GALNT18: variants seen among roughly 807,000 people sequenced by gnomAD.
The protein encoded by GALNT18 is polypeptide N-acetylgalactosaminyltransferase 18, also known as GalNAc-transferase 18.
In GALNT18, 44 loss-of-function variants were observed where a neutral mutation model predicts 69.5. The observed-to-expected ratio is 0.63, with a 90% confidence interval of 0.50 to 0.81. The LOEUF (loss-of-function observed/expected upper bound fraction) is 0.81. Among genes scored for constraint, GALNT18 ranks in the 40% least tolerant of loss-of-function variants. The pLI is 0.00. For missense variants in GALNT18, 715 were observed against 810.0 expected, an observed-to-expected ratio of 0.88 and a Z score of 1.42; for synonymous variants, 364 against 318.2, an observed-to-expected ratio of 1.14 and a Z score of -1.53.
At position 11,421,645 on chromosome 11, in the gene GALNT18, G is replaced by A. The variant is rs903286718; in HGVS notation, c.595+10976C>T. 2.0e-5 allele frequency among the ~76,000 whole-genome samples: 3 copies of A among 152,116 alleles called. No homozygotes were observed. Among genetic ancestry groups the A allele is most frequent in the Non-Finnish European group, 4.4e-5 (3 of 68,026 alleles). On this transcript the variant is annotated intron_variant, in intron 3 of 10. Transcript: ENST00000227756. The surrounding 1 kb of genome is among the most constrained non-coding windows in gnomAD (Gnocchi z 5.6). Reference sequence around the variant, plus strand: ...GCAGAGAAGGTTGGGGAAAGCTGGGGTTGCTGGCCAGCAGGTACAGGGAAG... The same window carrying A: ...GCAGAGAAGGTTGGGGAAAGCTGGGATTGCTGGCCAGCAGGTACAGGGAAG...
At chr11:11,304,215 C>T (rs80175760) in intron 9 of GALNT18, among the ~76,000 whole-genome samples, 21 of 152,306 alleles carry the variant, frequency 1.4e-4, no homozygotes, top group Admixed American at 3.3e-4. Context: ...CTGCCTTTCC[C>T]GGTCAACCTT....
intron 1 of GALNT18, among the ~76,000 whole-genome samples, chr11:11,521,661 G>T (rs951862882): frequency 2.0e-5 from 3 of 152,092 alleles, no homozygotes; most frequent in African/African-American, 7.2e-5. Context: ...TACAGTGGCG[G>T]GAGAACAAAA....
rs111285778 is a variant in GALNT18 at position 11,586,624 on chromosome 11, C to T, written c.235+34735G>A. 0.03 allele frequency among the ~76,000 whole-genome samples: 4,570 copies of T among 152,214 alleles called. 214 individuals are homozygous for T. Among genetic ancestry groups the T allele is most frequent in the African/African-American group, 0.1 (4,318 of 41,502 alleles). The stretch of plus-strand genomic sequence containing the variant: ...AGTTGATCTTTTAAAAAAAATAAAA[C>T]GTTTCAGCATTTATATTTAGCTGGT... On this transcript the variant is annotated intron_variant, in intron 1 of 10. Transcript: ENST00000227756. This position sits in a 1 kb window ranked among gnomAD's most constrained non-coding sequence, Gnocchi z 4.1.
chr11:11,294,609 GAAAAA>G (rs33946765), intron 9 of GALNT18, among the ~76,000 whole-genome samples: 1 of 142,502 alleles, frequency 7.0e-6, no homozygotes, highest in African/African-American at 2.6e-5. Context: ...ACACATCCCA[GAAAAA>G]AAAAAAAAAA....
chr11:11,349,954 T>G (rs1302051734), intron 6 of GALNT18, among the ~76,000 whole-genome samples: 1 of 152,198 alleles, frequency 6.6e-6, no homozygotes, highest in Non-Finnish European at 1.5e-5. Flanking sequence ...ATGATGCTTT[T>G]TCTTGGAAGG....
At position 11,332,933 on chromosome 11, in the gene GALNT18, A is replaced by G; in HGVS notation, c.1279-102T>C. On this transcript the variant is annotated intron_variant, in intron 7 of 10. Coordinates refer to ENST00000227756, the MANE Select transcript of GALNT18 (RefSeq NM_198516.3). The surrounding 1 kb of genome is among the most constrained non-coding windows in gnomAD (Gnocchi z 4.3). Reference sequence around the variant, plus strand: ...CTTGTGCCCCCAACAAGATTCCTAGAGACTGGGGAAGGGACCATGTGGCAC... The same window carrying G: ...CTTGTGCCCCCAACAAGATTCCTAGGGACTGGGGAAGGGACCATGTGGCAC... The G allele has an allele frequency of 7.7e-7, 1 of 1,293,920 alleles. No individual in the cohort carries two copies. Among genetic ancestry groups the G allele is most frequent in the Non-Finnish European group, 1.1e-6 (1 of 914,794 alleles). 80.2% of individuals were successfully genotyped at this position (1,293,920 alleles called of 1,614,324 possible).
rs182666057 is a variant in GALNT18, at chr11:11,602,123, C to T, written c.235+19236G>A. 6.6e-6 allele frequency among the ~76,000 whole-genome samples: 1 copy of T among 152,338 alleles called. No individual in the cohort carries two copies. The highest frequency in any genetic ancestry group is 1.9e-4 in the East Asian group (1 of 5,188). On this transcript the variant is annotated intron_variant, in intron 1 of 10. Transcript: ENST00000227756. The surrounding 1 kb of genome is among the most constrained non-coding windows in gnomAD (Gnocchi z 4.7). The stretch of plus-strand genomic sequence containing the variant: ...ATCCCTGGGCAGAATATCTATACCA[C>T]TGCTCTGGAGTTGTAAGTAGGAATA...
chr11:11,558,745 A>G (rs4379838), intron 1 of GALNT18, among the ~76,000 whole-genome samples: 4,493 of 152,318 alleles, frequency 0.029, 170 homozygotes, highest in African/African-American at 0.084. Flanking sequence ...GGTGGGGGAA[A>G]GTGGCAACCC....
intron 1 of GALNT18, among the ~76,000 whole-genome samples, chr11:11,478,721 T>C (rs1856455681): frequency 6.6e-6 from 1 of 152,244 alleles, no homozygotes; most frequent in South Asian, 2.1e-4. Flanking sequence ...CTCATTTCCA[T>C]TCCTTGCTCT....
chr11:11,548,597 T>A (rs1451954640), intron 1 of GALNT18, among the ~76,000 whole-genome samples: 3 of 152,224 alleles, frequency 2.0e-5, no homozygotes, highest in Non-Finnish European at 4.4e-5. Context: ...GAAAGCCTCC[T>A]GCCCATCTGC....
At chr11:11,284,777 T>C (rs973322226) in intron 10 of GALNT18, among the ~76,000 whole-genome samples, 2 of 152,186 alleles carry the variant, frequency 1.3e-5, no homozygotes, top group African/African-American at 2.4e-5. Context: ...AGTAATCAAA[T>C]ACTTCAAAGC....
chr11:11,348,051 C>G (rs7942855), intron 6 of GALNT18, among the ~76,000 whole-genome samples: 6,721 of 149,166 alleles, frequency 0.045, 518 homozygotes, highest in African/African-American at 0.16. Flanking sequence ...TTTCACTCAC[C>G]TCATTCTATC....
intron 1 of GALNT18, among the ~76,000 whole-genome samples, chr11:11,575,046 G>A (rs1318669236): frequency 1.3e-5 from 2 of 152,220 alleles, no homozygotes; most frequent in Admixed American, 1.3e-4. Context: ...TATGCAAAAT[G>A]CATCATAAAT....
chr11:11,444,163 C>A lies in GALNT18; in HGVS notation c.428+4581G>T, dbSNP rs1418626886. 6.6e-6 allele frequency among the ~76,000 whole-genome samples: 1 copy of A among 152,122 alleles called. No homozygotes were observed. Among genetic ancestry groups the A allele is most frequent in the Non-Finnish European group, 1.5e-5 (1 of 68,024 alleles). On this transcript the variant is annotated intron_variant, in intron 2 of 10. Coordinates refer to ENST00000227756, the MANE Select transcript of GALNT18 (RefSeq NM_198516.3). The surrounding 1 kb of genome is among the most constrained non-coding windows in gnomAD (Gnocchi z 4.4). ...CCTTGCAGATGCCACCCTCCAGGCC[C>A]CGCCTCCCTGCCACAGAGAGGTGCC...
In GALNT18 at chr11:11,496,366, C is replaced by T. The variant is rs1394631622; in HGVS notation, c.236-47430G>A. On this transcript the variant is annotated intron_variant, in intron 1 of 10. Transcript: ENST00000227756. This position sits in a 1 kb window ranked among gnomAD's most constrained non-coding sequence, Gnocchi z 4.0. The stretch of plus-strand genomic sequence containing the variant: ...CCATACTGCAAACTGGGTCCAATTA[C>T]AGGGAAGGAGGGTCAGCTCTTGCCT... 6.6e-6 allele frequency among the ~76,000 whole-genome samples: 1 copy of T among 152,166 alleles called. No homozygotes were observed. Among genetic ancestry groups the T allele is most frequent in the African/African-American group, 2.4e-5 (1 of 41,446 alleles).
intron 3 of GALNT18, among the ~76,000 whole-genome samples, chr11:11,399,409 A>G (rs1854409862): frequency 6.6e-6 from 1 of 152,196 alleles, no homozygotes; most frequent in African/African-American, 2.4e-5. Context: ...ATCAAGATTG[A>G]AAAGGGGTGG....
chr11:11,599,013 T>C (rs1288040742), intron 1 of GALNT18, among the ~76,000 whole-genome samples: 1 of 152,180 alleles, frequency 6.6e-6, no homozygotes, highest in Non-Finnish European at 1.5e-5. Context: ...TGGCCTAGTG[T>C]ATGGTGTATT....
chr11:11,530,247 G>T (rs1857616272), intron 1 of GALNT18, among the ~76,000 whole-genome samples: 1 of 152,176 alleles, frequency 6.6e-6, no homozygotes, highest in Admixed American at 6.5e-5. Flanking sequence ...GCCATCTTTA[G>T]CATGCACTTA....
At position 11,314,411 on chromosome 11, in the gene GALNT18, G is replaced by A. The variant is rs1849718247; in HGVS notation, c.1512+12675C>T. ...TTTTTTTTTTAGCATGGAAGCTGCA[G>A]GAGCAGCCCAGAGTTCACCATCACT... On this transcript the variant is annotated intron_variant, in intron 9 of 10. Coordinates refer to ENST00000227756, the MANE Select transcript of GALNT18 (RefSeq NM_198516.3). The surrounding 1 kb of genome is among the most constrained non-coding windows in gnomAD (Gnocchi z 5.2). Among the ~76,000 whole-genome samples, 1 of 151,884 alleles carries A rather than the reference G, an allele frequency of 6.6e-6. No individual in the cohort carries two copies. Among genetic ancestry groups the A allele is most frequent in the African/African-American group, 2.4e-5 (1 of 41,314 alleles).
Sources: gnomAD v4.1 joint callset for allele counts (sites outside exome capture counted in the v4.1 genomes callset) on GRCh38, gnomAD v4.1.1 for gene constraint, Gnocchi (gnomAD v3.1) non-coding constraint, MANE v1.5 for transcripts, NCBI Gene and HGNC (gene_info 2026-07-23, HGNC 2026-07-21) for gene names.